SDR42E1: variants seen among roughly 807,000 people sequenced by gnomAD.
SDR42E1 encodes the protein short chain dehydrogenase/reductase family 42E, member 1, also known as short-chain dehydrogenase/reductase family 42E member 1.
SDR42E1 carries 5 observed loss-of-function variants against 2.6 expected under a neutral mutation model. That is an observed-to-expected ratio of 1.94 (90% CI 1.01 to 4.08). The LOEUF (loss-of-function observed/expected upper bound fraction) is 4.08, where lower values mean the gene tolerates loss of function less well. SDR42E1 is among the 30% of genes most tolerant of loss of function. The pLI is 0.00. For synonymous variants in SDR42E1, 231 were observed against 188.3 expected (o/e 1.23, Z -1.86); for missense variants, 596 against 478.6 (o/e 1.25, Z -2.29).
At chr16:82,009,211 G>C (rs1259856725) in intron 1 of SDR42E1, among the ~76,000 whole-genome samples, 1 of 152,218 alleles carries the variant, frequency 6.6e-6, no homozygotes, top group Non-Finnish European at 1.5e-5. Flanking sequence ...GCATGGAAGG[G>C]AAATGTGGGG....
In SDR42E1 at chr16:81,989,048, T is replaced by C. The variant is rs1266414866; in HGVS notation, c.*10063A>G. 2 of 152,138 alleles carry C rather than the reference T, an allele frequency of 1.3e-5. No homozygotes were observed. Among genetic ancestry groups the C allele is most frequent in the South Asian group, 2.1e-4 (1 of 4,818 alleles). 9.4% of individuals were successfully genotyped at this position (152,138 alleles called of 1,614,324 possible). A position where few individuals can be genotyped will look rare whatever the true frequency, so the allele number is the denominator to read the frequency against. The stretch of plus-strand genomic sequence containing the variant: ...TCTTCATATAACTATGTGTCTTATA[T>C]ATAGGGTGATCGTACAATTTATTAT... On this transcript the variant is annotated 3_prime_UTR_variant, in exon 3 of 3. Transcript: ENST00000328945.
chr16:82,005,498 A>C (rs1912904504), intron 1 of SDR42E1, among the ~76,000 whole-genome samples: 1 of 152,194 alleles, frequency 6.6e-6, no homozygotes, highest in East Asian at 1.9e-4. Context: ...ATAAGCACAG[A>C]AAAATCTCAG....
At chr16:82,006,817 C>T (rs955057358) in intron 1 of SDR42E1, among the ~76,000 whole-genome samples, 8 of 152,020 alleles carry the variant, frequency 5.3e-5, no homozygotes, top group Non-Finnish European at 1.2e-4. Flanking sequence ...AACAAAAAAC[C>T]AAAAGGCCAA....
rs1354133567 is a variant in SDR42E1 at position 81,994,626 on chromosome 16, T to C, written c.*4485A>G. On this transcript the variant is annotated 3_prime_UTR_variant, in exon 3 of 3. Transcript: ENST00000328945. ...TGTGCCATCTCTAAGCAAGAGATGC[T>C]GGTGAAGATTTTAATAACATTGCTG... The C allele has an allele frequency of 6.6e-6, 1 of 152,190 alleles. No individual in the cohort carries two copies. The highest frequency in any genetic ancestry group is 1.9e-4 in the East Asian group (1 of 5,182). The allele number at this position is 152,190 out of a possible 1,614,324, so 9.4% of individuals were successfully genotyped here.
rs753782449 is a variant in SDR42E1 at position 82,000,302 on chromosome 16, A to G, written c.69-78T>C. 43 of 1,561,136 alleles carry G rather than the reference A, an allele frequency of 2.8e-5. No homozygotes were observed. In the African/African-American group the frequency reaches 4.7e-4, roughly 17 times the overall value. ...GGGGAAGTGTATAAAGTAATTTACC[A>G]ATCAAGGTGGGGCTGATCCAAGTCT... On this transcript the variant is annotated intron_variant, in intron 2 of 2. Coordinates refer to ENST00000328945, the MANE Select transcript of SDR42E1 (RefSeq NM_145168.3).
rs1912457462 is a variant in SDR42E1, at chr16:81,992,810, TAA to T, written c.*6299_*6300del. The T allele has an allele frequency of 1.3e-5, 2 of 152,168 alleles. No homozygotes were observed. Among genetic ancestry groups the T allele is most frequent in the South Asian group, 4.2e-4 (2 of 4,780 alleles). 9.4% of individuals were successfully genotyped at this position (152,168 alleles called of 1,614,324 possible). On this transcript the variant is annotated 3_prime_UTR_variant, in exon 3 of 3. Transcript: ENST00000328945. ...ATTACTTGAGTTCAATGAACTCAAG[TAA>T]TTATGAACGCAACTTGAGTTCAATG...
At position 81,998,054 on chromosome 16, in the gene SDR42E1, G is replaced by C. The variant is rs938338487; in HGVS notation, c.*1057C>G. 1 of 152,172 alleles carries C rather than the reference G, an allele frequency of 6.6e-6. No individual in the cohort carries two copies. Among genetic ancestry groups the C allele is most frequent in the African/African-American group, 2.4e-5 (1 of 41,428 alleles). 9.4% of individuals were successfully genotyped at this position (152,172 alleles called of 1,614,324 possible). On this transcript the variant is annotated 3_prime_UTR_variant, in exon 3 of 3. Transcript: ENST00000328945. ...GTCTTCTTTCCACTTGGGTTCCTAT[G>C]CAACAGTGTAACTGGATCATCTGTA...
rs1443110185 is a variant in SDR42E1, at chr16:81,994,739, A to G, written c.*4372T>C. 6.6e-6 allele frequency: 1 copy of G among 152,212 alleles called. No individual in the cohort carries two copies. Among genetic ancestry groups the G allele is most frequent in the Admixed American group, 6.5e-5 (1 of 15,284 alleles). 9.4% of individuals were successfully genotyped at this position (152,212 alleles called of 1,614,324 possible). On this transcript the variant is annotated 3_prime_UTR_variant, in exon 3 of 3. Transcript: ENST00000328945. ...TCAGAGCTGGGGCGTGGCATTCTGC[A>G]GGCAACTTCTACCCTTTGTAAGGCT...
chr16:81,991,394 T>G lies in SDR42E1; in HGVS notation c.*7717A>C, dbSNP rs1912424979. ...TAACACTTAGCCTTGAATAATGTCA[T>G]GCTAACGTGATAAAACCACCTCCAA... On this transcript the variant is annotated 3_prime_UTR_variant, in exon 3 of 3. Transcript: ENST00000328945. The G allele has an allele frequency of 6.6e-6, 1 of 152,128 alleles. No homozygotes were observed. Among genetic ancestry groups the G allele is most frequent in the Admixed American group, 6.5e-5 (1 of 15,278 alleles). The allele number at this position is 152,128 out of a possible 1,614,324, so 9.4% of individuals were successfully genotyped here. A position where few individuals can be genotyped will look rare whatever the true frequency, so the allele number is the denominator to read the frequency against.
At position 81,995,206 on chromosome 16, in the gene SDR42E1, A is replaced by T. The variant is rs1567561155; in HGVS notation, c.*3905T>A. 1 of 152,250 alleles carries T rather than the reference A, an allele frequency of 6.6e-6. No individual in the cohort carries two copies. The allele number at this position is 152,250 out of a possible 1,614,324, so 9.4% of individuals were successfully genotyped here. Reference sequence around the variant, plus strand: ...ATGGATAACCTCCCACACACTCCTCAGAAGCCATGGGTGAGGTAGCAGTGC... The same window carrying T: ...ATGGATAACCTCCCACACACTCCTCTGAAGCCATGGGTGAGGTAGCAGTGC... On this transcript the variant is annotated 3_prime_UTR_variant, in exon 3 of 3. Coordinates refer to ENST00000328945, the MANE Select transcript of SDR42E1 (RefSeq NM_145168.3).
intron 1 of SDR42E1, among the ~76,000 whole-genome samples, chr16:82,008,047 T>C (rs1913005041): frequency 6.6e-6 from 1 of 152,136 alleles, no homozygotes; most frequent in Non-Finnish European, 1.5e-5. Flanking sequence ...GTCTTTCCTG[T>C]GCTATTCTCA....
Position 81,990,928 on chromosome 16 carries a change from T to C in SDR42E1, c.*8183A>G, listed in dbSNP as rs1176602659. ...AAGGGCACCTCTACAGGCTGGACTT[T>C]GCATTTTCATTACTTCGAAAGATTT... is the stretch of plus-strand genomic sequence containing the variant. On this transcript the variant is annotated 3_prime_UTR_variant, in exon 3 of 3. Transcript: ENST00000328945. 4 of 152,204 alleles carry C rather than the reference T, an allele frequency of 2.6e-5. No individual in the cohort carries two copies. The highest frequency in any genetic ancestry group is 2.6e-4 in the Admixed American group (4 of 15,276). The allele number at this position is 152,204 out of a possible 1,614,324, so 9.4% of individuals were successfully genotyped here.
chr16:82,000,285 G>A (rs1232163646), intron 2 of SDR42E1, 61 bp from the exon 3 acceptor site: 1 of 1,589,366 alleles, frequency 6.3e-7, no homozygotes, highest in African/African-American at 1.3e-5. Context: ...TAGGGGAAGT[G>A]TATAAAGTAA....
intron 1 of SDR42E1, among the ~76,000 whole-genome samples, chr16:82,005,709 A>T (rs1288297336): frequency 6.6e-6 from 1 of 152,168 alleles, no homozygotes; most frequent in East Asian, 1.9e-4. Flanking sequence ...CAAGTGCTTG[A>T]AGGTCCTTCC....
intron 1 of SDR42E1, 116 bp from the exon 2 acceptor site, chr16:82,001,000 T>G (rs1912740373): frequency 1.6e-6 from 1 of 639,624 alleles, no homozygotes; most frequent in Non-Finnish European, 2.7e-6. Flanking sequence ...AAAGGTGAGG[T>G]CTGGGTCTGG....
intron 1 of SDR42E1, among the ~76,000 whole-genome samples, chr16:82,010,004 C>T (rs146726114): frequency 0.018 from 2,708 of 152,332 alleles, 92 homozygotes; most frequent in African/African-American, 0.062. Flanking sequence ...AGTTCCCCTA[C>T]ACAAGCTCTC....
intron 1 of SDR42E1, among the ~76,000 whole-genome samples, chr16:82,008,140 C>T (rs1052211318): frequency 1.3e-4 from 20 of 152,224 alleles, no homozygotes; most frequent in African/African-American, 4.8e-4. Context: ...CCATGTAAGA[C>T]GTGACTTTGC....
At chr16:82,009,753 T>C (rs1032340961) in intron 1 of SDR42E1, among the ~76,000 whole-genome samples, 5 of 152,214 alleles carry the variant, frequency 3.3e-5, no homozygotes, top group Non-Finnish European at 4.4e-5. Context: ...TGTGGGACTG[T>C]TGGGAAGGCA....
At chr16:82,001,894 T>C (rs1597177833) in intron 1 of SDR42E1, among the ~76,000 whole-genome samples, 3 of 113,294 alleles carry the variant, frequency 2.6e-5, no homozygotes, top group Admixed American at 1.0e-4. Context: ...AGAGCAAGAC[T>C]CCATCTCAAA....
Sources: gnomAD v4.1 joint callset for allele counts (sites outside exome capture counted in the v4.1 genomes callset) on GRCh38, gnomAD v4.1.1 for gene constraint, MANE v1.5 for transcripts, NCBI Gene and HGNC (gene_info 2026-07-23, HGNC 2026-07-21) for gene names.